The following CTNND2 variants were observed in gnomAD, a reference collection of about 807,000 sequenced individuals.
The protein encoded by CTNND2 is catenin delta-2.
A neutral mutation model predicts 144.4 loss-of-function variants in CTNND2; 22 were observed. The ratio of observed to expected loss-of-function variants is 0.15; its 90% CI spans 0.11 to 0.22. CTNND2 has a LOEUF of 0.22. Among genes scored for constraint, CTNND2 ranks in the 10% least tolerant of loss-of-function variants. The probability of loss-of-function intolerance (pLI) is 1.00; values close to 1 mark genes in which losing one functional copy is unlikely to be tolerated. For missense variants in CTNND2, 1,353 were observed against 1,618.8 expected (o/e 0.84, Z 2.82); for synonymous variants, 751 against 695.6 (o/e 1.08, Z -1.25).
intron 10 of CTNND2, among the ~76,000 whole-genome samples, chr5:11,222,998 C>T (rs1160006831): frequency 1.3e-5 from 2 of 152,138 alleles, no homozygotes. Flanking sequence ...AGAGGTGTTT[C>T]CTTACATAAA....
chr5:11,322,106 T>C (rs571392897), intron 9 of CTNND2, among the ~76,000 whole-genome samples: 12 of 152,316 alleles, frequency 7.9e-5, no homozygotes, highest in African/African-American at 2.4e-4. Context: ...ATACGCATCA[T>C]ACTCTTTCTT....
chr5:11,496,112 C>G (rs26140), intron 3 of CTNND2, among the ~76,000 whole-genome samples: 54,635 of 152,048 alleles, frequency 0.36, 10,408 homozygotes, highest in South Asian at 0.44. Flanking sequence ...CCCCCCATTA[C>G]CTTCCCTTTT....
chr5:11,176,744 T>C (rs1199640476), intron 11 of CTNND2, among the ~76,000 whole-genome samples: 2 of 152,148 alleles, frequency 1.3e-5, no homozygotes, highest in East Asian at 3.9e-4. Context: ...TGATTCATAA[T>C]TTCTAGCTAA....
At chr5:11,800,971 C>T (rs1791648734) in intron 1 of CTNND2, among the ~76,000 whole-genome samples, 1 of 152,070 alleles carries the variant, frequency 6.6e-6, no homozygotes, top group Non-Finnish European at 1.5e-5. Context: ...CAGAGTTTCA[C>T]GACTGTTTTT....
At chr5:11,190,760 A>G (rs922122338) in intron 11 of CTNND2, among the ~76,000 whole-genome samples, 2 of 152,230 alleles carry the variant, frequency 1.3e-5, no homozygotes, top group Non-Finnish European at 1.5e-5. Flanking sequence ...ACAGAGACCT[A>G]GGGCCTACAA....
intron 3 of CTNND2, among the ~76,000 whole-genome samples, chr5:11,457,319 C>G (rs1005336245): frequency 3.3e-5 from 5 of 151,796 alleles, no homozygotes; most frequent in African/African-American, 1.2e-4. Flanking sequence ...AGGAGGATTG[C>G]TTGAGCCCAG....
At chr5:11,311,250 A>T (rs1421433559) in intron 9 of CTNND2, among the ~76,000 whole-genome samples, 11 of 135,008 alleles carry the variant, frequency 8.1e-5, no homozygotes, top group African/African-American at 2.8e-4. Context: ...CCACACATAC[A>T]TAAACTCTCA....
intron 2 of CTNND2, among the ~76,000 whole-genome samples, chr5:11,714,590 A>C (rs1460493921): frequency 1.3e-5 from 2 of 152,124 alleles, no homozygotes; most frequent in Admixed American, 1.3e-4. Flanking sequence ...AGGATGATAC[A>C]ATCTTCCTCA....
At chr5:11,589,191 C>T (rs1487485936) in intron 2 of CTNND2, among the ~76,000 whole-genome samples, 1 of 152,044 alleles carries the variant, frequency 6.6e-6, no homozygotes, top group Non-Finnish European at 1.5e-5. Flanking sequence ...GACCCTCCCA[C>T]TAGCCTGCCT....
At chr5:11,875,517 T>A (rs573199271) in intron 1 of CTNND2, among the ~76,000 whole-genome samples, 1 of 152,304 alleles carries the variant, frequency 6.6e-6, no homozygotes, top group African/African-American at 2.4e-5. Flanking sequence ...GTAACAGTAT[T>A]TAAAGCCAGG....
intron 1 of CTNND2, among the ~76,000 whole-genome samples, chr5:11,769,481 T>G (rs534161221): frequency 3.9e-4 from 60 of 152,324 alleles, no homozygotes; most frequent in African/African-American, 1.4e-3. Context: ...GTACTTAAAG[T>G]GAATATTATA....
At position 11,844,361 on chromosome 5, in the gene CTNND2, T is replaced by TACACAC. The variant is rs3036040; in HGVS notation, c.37+59450_37+59455dup. ...TCTTGAAGGGATGGATAGACTGAAA[T>TACACAC]ACACACACACACACATATGCACACA... is the stretch of plus-strand genomic sequence containing the variant. On this transcript the variant is annotated intron_variant, in intron 1 of 21. Transcript: ENST00000304623. Among the ~76,000 whole-genome samples, 301 of 150,546 alleles carry TACACAC rather than the reference T, an allele frequency of 2.0e-3. 1 individual carries two copies. Among genetic ancestry groups the TACACAC allele is most frequent in the African/African-American group, 7.0e-3 (288 of 41,072 alleles).
chr5:11,102,208 TGA>T (rs1194990166), intron 14 of CTNND2, among the ~76,000 whole-genome samples: 1 of 152,220 alleles, frequency 6.6e-6, no homozygotes, highest in Non-Finnish European at 1.5e-5. Context: ...TAGTATCCCT[TGA>T]GTCTTACAGA....
At chr5:11,722,305 T>A (rs1180886286) in intron 2 of CTNND2, among the ~76,000 whole-genome samples, 2 of 152,172 alleles carry the variant, frequency 1.3e-5, no homozygotes, top group East Asian at 3.9e-4. Context: ...AGCATTTTCT[T>A]CTATGAAGAT....
At chr5:11,050,147 TTC>T (rs1463240335) in intron 16 of CTNND2, among the ~76,000 whole-genome samples, 1 of 152,220 alleles carries the variant, frequency 6.6e-6, no homozygotes, top group African/African-American at 2.4e-5. Context: ...TTCTACCAAT[TTC>T]TGGTAGATTT....
intron 3 of CTNND2, among the ~76,000 whole-genome samples, chr5:11,436,500 A>G (rs899547138): frequency 1.3e-5 from 2 of 152,204 alleles, no homozygotes; most frequent in Non-Finnish European, 2.9e-5. Context: ...CATCATGCAC[A>G]GTATTTTGAA....
intron 1 of CTNND2, among the ~76,000 whole-genome samples, chr5:11,733,912 G>C (rs1376136779): frequency 6.6e-6 from 1 of 152,116 alleles, no homozygotes; most frequent in Non-Finnish European, 1.5e-5. Context: ...AAATTCATAC[G>C]CTGAAATATT....
intron 2 of CTNND2, among the ~76,000 whole-genome samples, chr5:11,698,934 G>A (rs1253502751): frequency 6.7e-6 from 1 of 150,024 alleles, no homozygotes; most frequent in Non-Finnish European, 1.5e-5. Flanking sequence ...ATATCAATAA[G>A]CATATTTTCT....
intron 2 of CTNND2, among the ~76,000 whole-genome samples, chr5:11,582,826 A>G (rs1332027439): frequency 6.6e-6 from 1 of 152,216 alleles, no homozygotes; most frequent in Admixed American, 6.5e-5. Flanking sequence ...TTAAAAACAC[A>G]TGCATCTTTT....
Sources: gnomAD v4.1 joint callset for allele counts (sites outside exome capture counted in the v4.1 genomes callset) on GRCh38, gnomAD v4.1.1 for gene constraint, MANE v1.5 for transcripts, NCBI Gene and HGNC (gene_info 2026-07-23, HGNC 2026-07-21) for gene names.